The following CRISP3 variants were observed in gnomAD, a reference collection of about 807,000 sequenced individuals.
CRISP3 encodes cysteine rich secretory protein 3.
A neutral mutation model predicts 36.1 loss-of-function variants in CRISP3; 33 were observed. The observed-to-expected ratio is 0.91, with a 90% CI of 0.69 to 1.22. The LOEUF (loss-of-function observed/expected upper bound fraction) is 1.22, where lower values mean the gene tolerates loss of function less well. Ranked by LOEUF, CRISP3 falls within the 50% of genes most tolerant of loss-of-function variation. The pLI is 0.00. For synonymous variants in CRISP3, 117 were observed against 104.6 expected, an observed-to-expected ratio of 1.12 and a Z score of -0.72; for missense variants, 330 against 301.2, an observed-to-expected ratio of 1.10 and a Z score of -0.71.
In CRISP3 at chr6:49,728,809, T is replaced by C; in HGVS notation, c.698A>G (p.Lys233Arg). 2 of 1,612,898 alleles carry C rather than the reference T, an allele frequency of 1.2e-6. No individual in the cohort carries two copies. The highest frequency in any genetic ancestry group is 1.7e-6 in the Non-Finnish European group (2 of 1,179,332). The change falls in exon 8 of 8, where the codon AAG becomes AGG. Residue 233 changes from lysine to arginine, a missense_variant. Coordinates refer to ENST00000263045, the MANE Select transcript of CRISP3 (RefSeq NM_006061.4). ...EDLYSNCKSL[K>R]LTLTCKHQLV... is the part of the protein sequence containing the mutation. ...CTGATGTTTACAGGTTAATGTGAGC[T>C]TCAAACTTTTACAGTTACTATAGAG... is the stretch of plus-strand genomic sequence containing the variant.
At chr6:49,734,311 T>A (rs1768989169) in intron 4 of CRISP3, among the ~76,000 whole-genome samples, 1 of 152,150 alleles carries the variant, frequency 6.6e-6, no homozygotes, top group Non-Finnish European at 1.5e-5. Context: ...TATTATTTTG[T>A]GTGAATTTTT....
Position 49,741,622 on chromosome 6 carries a change from T to G in CRISP3, c.37+2709A>C, listed in dbSNP as rs905416878. On this transcript the variant is annotated intron_variant, in intron 1 of 7. Coordinates refer to ENST00000263045, the MANE Select transcript of CRISP3 (RefSeq NM_006061.4). The stretch of plus-strand genomic sequence containing the variant: ...AACCCCTGTATGTAGTTTTTTTTTT[T>G]TTTTTTTTTTTTAAAGAAAAAATAG... Among the ~76,000 whole-genome samples the G allele has an allele frequency of 1.2e-4, 18 of 147,642 alleles. No homozygotes were observed. In the South Asian group the frequency reaches 1.3e-3, roughly 10 times the overall value.
chr6:49,743,979 CACAT>C (rs1325368259), intron 1 of CRISP3, among the ~76,000 whole-genome samples: 2 of 152,076 alleles, frequency 1.3e-5, no homozygotes, highest in African/African-American at 2.4e-5. Flanking sequence ...AGTATGCACA[CACAT>C]ATATTCATAG....
chr6:49,730,991 G>A (rs1033097297), intron 7 of CRISP3, among the ~76,000 whole-genome samples, 172 bp downstream of exon 7: 1 of 152,196 alleles, frequency 6.6e-6, no homozygotes, highest in Admixed American at 6.5e-5. Flanking sequence ...GCAGTGAGCC[G>A]AGATGGCACC....
At chr6:49,731,984 A>G (rs1768928109) in intron 6 of CRISP3, among the ~76,000 whole-genome samples, 1 of 152,156 alleles carries the variant, frequency 6.6e-6, no homozygotes, top group South Asian at 2.1e-4. Flanking sequence ...TTATTTTCCT[A>G]TCGGTAATTA....
intron 1 of CRISP3, among the ~76,000 whole-genome samples, chr6:49,741,499 C>G (rs1416495519): frequency 6.6e-6 from 1 of 151,636 alleles, no homozygotes. Flanking sequence ...TATATGAGGA[C>G]TGCAAGAATA....
chr6:49,730,318 A>G (rs1768883918), intron 7 of CRISP3, among the ~76,000 whole-genome samples: 1 of 152,022 alleles, frequency 6.6e-6, no homozygotes, highest in African/African-American at 2.4e-5. Flanking sequence ...TACAGATTTG[A>G]TTTTGACTTT....
intron 1 of CRISP3, among the ~76,000 whole-genome samples, chr6:49,739,111 TTAACC>T (rs903396265): frequency 1.3e-5 from 2 of 152,160 alleles, no homozygotes; most frequent in Non-Finnish European, 2.9e-5. Context: ...CAGAAATAAC[TTAACC>T]TGGCCCTGCT....
intron 1 of CRISP3, among the ~76,000 whole-genome samples, chr6:49,743,108 G>A (rs1195870515): frequency 6.6e-6 from 1 of 152,172 alleles, no homozygotes; most frequent in East Asian, 1.9e-4. Flanking sequence ...AAAACTGCTA[G>A]ACTTCATCAA....
rs1175583692 is a variant in CRISP3 at position 49,728,611 on chromosome 6, T to C, written c.*119A>G. The C allele has an allele frequency of 5.2e-6, 4 of 766,342 alleles. No individual in the cohort carries two copies. The highest frequency in any genetic ancestry group is 7.5e-6 in the Non-Finnish European group (4 of 532,402). The allele number at this position is 766,342 out of a possible 1,614,324, so 47.5% of individuals were successfully genotyped here. A position where few individuals can be genotyped will look rare whatever the true frequency, so the allele number is the denominator to read the frequency against. ...CAGAAGAAAAACATTTGAAATCAAA[T>C]GTGTATCAAACATGCCTACAATTTC... On this transcript the variant is annotated 3_prime_UTR_variant, in exon 8 of 8. Transcript: ENST00000263045.
intron 3 of CRISP3, 55 bp from the exon 4 acceptor site, chr6:49,735,646 C>T (rs1406136661): frequency 7.4e-7 from 1 of 1,354,704 alleles, no homozygotes; most frequent in African/African-American, 1.4e-5. Flanking sequence ...CTCAAAGGAG[C>T]ATAAGCTTTA....
At chr6:49,736,245 C>T (rs1769047786) in intron 3 of CRISP3, 146 bp downstream of exon 3, 1 of 626,782 alleles carries the variant, frequency 1.6e-6, no homozygotes, top group Admixed American at 2.8e-5. Flanking sequence ...AGAAATTCAG[C>T]TCTGCCCATT....
intron 4 of CRISP3, 88 bp from the exon 5 acceptor site, chr6:49,733,936 A>G: frequency 8.4e-7 from 1 of 1,196,718 alleles, no homozygotes; most frequent in East Asian, 2.4e-5. Flanking sequence ...CACACAGCAG[A>G]ATCCCTGTTT....
At chr6:49,742,006 A>G (rs913715904) in intron 1 of CRISP3, among the ~76,000 whole-genome samples, 15 of 151,208 alleles carry the variant, frequency 9.9e-5, no homozygotes, top group African/African-American at 3.6e-4. Context: ...AAAATTAACA[A>G]TTTTGCTAGA....
chr6:49,733,276 G>T lies in CRISP3; in HGVS notation c.479C>A (p.Ser160Ter). The T allele has an allele frequency of 6.2e-7, 1 of 1,609,274 alleles. No homozygotes were observed. Among genetic ancestry groups the T allele is most frequent in the Non-Finnish European group, 8.5e-7 (1 of 1,177,460 alleles). ...GHYTQVVWYSSYLVGCGNAYC... is the reference protein window; with the variant it reads ...GHYTQVVWYS ...GGCATTTCCACATCCAACGAGGTAT[G>T]AAGAGTACCAAACAACCTATAAACC... The change falls in exon 6 of 8, where the codon TCA becomes TAA. Residue 160 changes from serine (S) to a stop codon, truncating the protein, a stop_gained. Coordinates refer to ENST00000263045, the MANE Select transcript of CRISP3 (RefSeq NM_006061.4). LOFTEE classifies it high-confidence loss of function.
chr6:49,738,282 T>C (rs1301573651), intron 1 of CRISP3, among the ~76,000 whole-genome samples: 1 of 152,214 alleles, frequency 6.6e-6, no homozygotes, highest in Non-Finnish European at 1.5e-5. Context: ...TAAAACATTG[T>C]AAATTAATTA....
intron 4 of CRISP3, among the ~76,000 whole-genome samples, chr6:49,734,396 A>G (rs1426168867): frequency 6.6e-6 from 1 of 152,212 alleles, no homozygotes; most frequent in Non-Finnish European, 1.5e-5. Flanking sequence ...ATATTTTCAC[A>G]GGTTACAGGC....
chr6:49,743,289 C>T (rs1231970629), intron 1 of CRISP3, among the ~76,000 whole-genome samples: 1 of 152,142 alleles, frequency 6.6e-6, no homozygotes, highest in African/African-American at 2.4e-5. Flanking sequence ...GACACTCTTC[C>T]TCCCAATTCA....
chr6:49,743,758 T>C (rs1769263952), intron 1 of CRISP3, among the ~76,000 whole-genome samples: 1 of 151,846 alleles, frequency 6.6e-6, no homozygotes, highest in Non-Finnish European at 1.5e-5. Context: ...AGACTGACTT[T>C]TGACTGAAAA....
Sources: gnomAD v4.1 joint callset for allele counts (sites outside exome capture counted in the v4.1 genomes callset) on GRCh38, gnomAD v4.1.1 for gene constraint, MANE v1.5 for transcripts, NCBI Gene and HGNC (gene_info 2026-07-23, HGNC 2026-07-21) for gene names.